Variants in WDFY3 observed in about 807,000 individuals in gnomAD.
WDFY3 encodes WD repeat and FYVE domain containing 3.
WDFY3 carries 66 observed loss-of-function variants against 409.6 expected under a neutral mutation model. That is an observed-to-expected ratio of 0.16 (90% CI 0.13 to 0.20). The LOEUF (loss-of-function observed/expected upper bound fraction) is 0.20. WDFY3 is among the 10% of genes least tolerant of loss of function. WDFY3 has a pLI of 1.00. For synonymous variants in WDFY3, 1,521 were observed against 1,537.1 expected (o/e 0.99, Z 0.25); for missense variants, 3,031 against 4,298.1 (o/e 0.71, Z 8.24).
chr4:84,720,180 C>T (rs1438380658), intron 47 of WDFY3, among the ~76,000 whole-genome samples: 3 of 152,078 alleles, frequency 2.0e-5, no homozygotes, highest in East Asian at 3.9e-4. Flanking sequence ...AGCTCGACAT[C>T]TAGGACGAGA....
chr4:84,696,974 A>G (rs919902944), intron 56 of WDFY3, 151 bp from the exon 57 acceptor site: 10 of 639,502 alleles, frequency 1.6e-5, no homozygotes, highest in Admixed American at 2.8e-5. Flanking sequence ...TATCAACTCT[A>G]GCATCCCTCA....
At chr4:84,676,331 T>G (rs141140777) in intron 67 of WDFY3, among the ~76,000 whole-genome samples, 5 of 152,328 alleles carry the variant, frequency 3.3e-5, no homozygotes, top group African/African-American at 9.6e-5. Context: ...TTTTTAGCTA[T>G]CAGATTGGCA....
At chr4:84,703,349 C>T (rs889996675) in intron 55 of WDFY3, among the ~76,000 whole-genome samples, 6 of 152,174 alleles carry the variant, frequency 3.9e-5, no homozygotes, top group African/African-American at 1.2e-4. Context: ...TACGCAGCCT[C>T]ACAGGTACAC....
At chr4:84,836,464 G>C (rs1052381173) in intron 7 of WDFY3, among the ~76,000 whole-genome samples, 1 of 152,100 alleles carries the variant, frequency 6.6e-6, no homozygotes, top group Non-Finnish European at 1.5e-5. Flanking sequence ...CTAACAGTGG[G>C]AAAGAAGAGC....
chr4:84,735,816 A>C (rs1041788496), intron 42 of WDFY3, among the ~76,000 whole-genome samples: 2 of 152,238 alleles, frequency 1.3e-5, no homozygotes, highest in African/African-American at 4.8e-5. Context: ...TATACACAAC[A>C]AGATTGTAAA....
chr4:84,707,041 T>C (rs1732081405), intron 53 of WDFY3, among the ~76,000 whole-genome samples: 1 of 151,270 alleles, frequency 6.6e-6, no homozygotes, highest in Non-Finnish European at 1.5e-5. Flanking sequence ...CCAGCTCAAG[T>C]GATCCTCCCA....
At chr4:84,749,991 T>C (rs1489954253) in intron 36 of WDFY3, among the ~76,000 whole-genome samples, 1 of 152,232 alleles carries the variant, frequency 6.6e-6, no homozygotes, top group Non-Finnish European at 1.5e-5. Context: ...TAATTAGCTA[T>C]TCAGGTACCA....
intron 13 of WDFY3, among the ~76,000 whole-genome samples, chr4:84,815,972 TTTTC>T (rs575026864): frequency 5.8e-4 from 88 of 152,262 alleles, no homozygotes; most frequent in African/African-American, 2.0e-3. Flanking sequence ...TAAATTGTGA[TTTTC>T]TTTGACTTTT....
At chr4:84,770,277 C>T (rs1744437724) in intron 30 of WDFY3, among the ~76,000 whole-genome samples, 1 of 152,160 alleles carries the variant, frequency 6.6e-6, no homozygotes, top group African/African-American at 2.4e-5. Context: ...ATCCGCCCTC[C>T]TCAGCCTCCC....
chr4:84,900,506 T>A (rs1473717106), intron 2 of WDFY3, among the ~76,000 whole-genome samples: 2 of 152,198 alleles, frequency 1.3e-5, no homozygotes, highest in African/African-American at 2.4e-5. Context: ...AGCCACTGCA[T>A]CCAGATTGTG....
rs1231023927 is a variant in WDFY3, at chr4:84,713,223, G to A, written c.7978C>T (p.Pro2660Ser). Reference protein sequence around the residue: ...KVYQRFLAVVPSLTDSSESVS... With the variant: ...KVYQRFLAVVSSLTDSSESVS... ...GATTCTGAACTGTCCGTTAGAGATG[G>A]CACTACAGCCAAAAACCTGAAAAAT... is the stretch of plus-strand genomic sequence containing the variant. The change falls in exon 51 of 68, where the codon CCA (proline) becomes TCA (serine). Residue 2660 changes from proline (P) to serine (S), a missense_variant. Pro to Ser is a moderately conservative substitution (Grantham distance 74). Transcript: ENST00000295888. The A allele has an allele frequency of 6.2e-7, 1 of 1,614,094 alleles. No individual in the cohort carries two copies. The highest frequency in any genetic ancestry group is 8.5e-7 in the Non-Finnish European group (1 of 1,179,990).
intron 40 of WDFY3, among the ~76,000 whole-genome samples, chr4:84,738,481 A>G (rs1212620688): frequency 6.6e-6 from 1 of 152,034 alleles, no homozygotes; most frequent in Admixed American, 6.6e-5. Flanking sequence ...GTGCACCTGT[A>G]GTCCCAGCTA....
At chr4:84,922,324 T>C (rs1769395953) in intron 2 of WDFY3, among the ~76,000 whole-genome samples, 1 of 152,178 alleles carries the variant, frequency 6.6e-6, no homozygotes, top group South Asian at 2.1e-4. Flanking sequence ...TCTTTTCCAG[T>C]TTACAGAAGG....
At position 84,705,374 on chromosome 4, in the gene WDFY3, T is replaced by G; in HGVS notation, c.8335+20A>C. Reference sequence around the variant, plus strand: ...TTTGAAACTTGGGTACAAAGTCCAATGACAGAAAAAGTTCCTTACCATTAG... The same window carrying G: ...TTTGAAACTTGGGTACAAAGTCCAAGGACAGAAAAAGTTCCTTACCATTAG... On this transcript the variant is annotated intron_variant, in intron 54 of 67. Transcript: ENST00000295888. The G allele has an allele frequency of 6.3e-7, 1 of 1,599,778 alleles. No individual in the cohort carries two copies. The highest frequency in any genetic ancestry group is 1.1e-5 in the South Asian group (1 of 89,610).
chr4:84,952,124 T>C (rs1215162111), intron 1 of WDFY3, among the ~76,000 whole-genome samples: 1 of 152,178 alleles, frequency 6.6e-6, no homozygotes, highest in Non-Finnish European at 1.5e-5. Flanking sequence ...CTATCAGTGG[T>C]AGTAGTGGCC....
intron 67 of WDFY3, among the ~76,000 whole-genome samples, chr4:84,676,686 T>C (rs533334793): frequency 1.3e-5 from 2 of 151,980 alleles, no homozygotes; most frequent in South Asian, 4.2e-4. Flanking sequence ...AAAATGAATA[T>C]ATTACAATAA....
chr4:84,775,253 G>T, intron 27 of WDFY3, 115 bp from the exon 28 acceptor site: 1 of 918,100 alleles, frequency 1.1e-6, no homozygotes, highest in Non-Finnish European at 1.6e-6. Context: ...TTATTATCTT[G>T]TAAAGTTCTA....
chr4:84,673,961 A>C (rs1725842632), intron 67 of WDFY3, among the ~76,000 whole-genome samples: 1 of 152,158 alleles, frequency 6.6e-6, no homozygotes, highest in African/African-American at 2.4e-5. Context: ...ACCAGTAAAA[A>C]TGTCCAGAGA....
At chr4:84,941,476 A>T (rs569591141) in intron 1 of WDFY3, among the ~76,000 whole-genome samples, 2 of 152,040 alleles carry the variant, frequency 1.3e-5, no homozygotes, top group Non-Finnish European at 2.9e-5. Flanking sequence ...TAAAACAATG[A>T]TGAAATAATC....
Sources: gnomAD v4.1 joint callset for allele counts (sites outside exome capture counted in the v4.1 genomes callset) on GRCh38, gnomAD v4.1.1 for gene constraint, MANE v1.5 for transcripts, NCBI Gene and HGNC (gene_info 2026-07-23, HGNC 2026-07-21) for gene names.